The following PCSK2 variants were observed in gnomAD, a reference collection of about 807,000 sequenced individuals.
The protein encoded by PCSK2 is neuroendocrine convertase 2.
A neutral mutation model predicts 69.7 loss-of-function variants in PCSK2; 14 were observed. That is an observed-to-expected ratio of 0.20 (90% CI 0.13 to 0.31). The LOEUF is 0.31. Among genes scored for constraint, PCSK2 ranks in the 10% least tolerant of loss-of-function variants. PCSK2 has a pLI of 1.00. For synonymous variants in PCSK2, 307 were observed against 320.7 expected, an observed-to-expected ratio of 0.96 and a Z score of 0.46; for missense variants, 544 against 842.5, an observed-to-expected ratio of 0.65 and a Z score of 4.39.
At chr20:17,431,783 T>C (rs1318253565) in intron 7 of PCSK2, among the ~76,000 whole-genome samples, 1 of 152,098 alleles carries the variant, frequency 6.6e-6, no homozygotes, top group East Asian at 1.9e-4. Flanking sequence ...AACAGCAGAG[T>C]TTATCTTACA....
intron 8 of PCSK2, among the ~76,000 whole-genome samples, chr20:17,446,279 A>G (rs1474340386): frequency 6.6e-6 from 1 of 152,210 alleles, no homozygotes; most frequent in Non-Finnish European, 1.5e-5. Context: ...AATCGAGGTG[A>G]GGATTTAAAT....
chr20:17,411,898 G>A (rs1600558839), intron 6 of PCSK2, among the ~76,000 whole-genome samples: 1 of 152,342 alleles, frequency 6.6e-6, no homozygotes, highest in African/African-American at 2.4e-5. Context: ...CAGGCAAACA[G>A]GGTCTGGAGT....
intron 5 of PCSK2, among the ~76,000 whole-genome samples, chr20:17,377,222 G>A (rs2030953568): frequency 6.6e-6 from 1 of 152,166 alleles, no homozygotes; most frequent in Non-Finnish European, 1.5e-5. Flanking sequence ...ATGTTCTTTG[G>A]TTCCGTTCAA....
At chr20:17,429,734 C>T (rs1425834152) in intron 7 of PCSK2, among the ~76,000 whole-genome samples, 1 of 152,080 alleles carries the variant, frequency 6.6e-6, no homozygotes, top group Non-Finnish European at 1.5e-5. Context: ...AAAAAGTTAA[C>T]AAATCATAAA....
At chr20:17,430,220 AAAAG>A (rs1410703132) in intron 7 of PCSK2, among the ~76,000 whole-genome samples, 6 of 152,162 alleles carry the variant, frequency 3.9e-5, no homozygotes, top group African/African-American at 1.4e-4. Flanking sequence ...CTCAGAAAAA[AAAAG>A]AGAGAGAGAC....
At chr20:17,425,276 C>CA (rs745728282) in intron 6 of PCSK2, among the ~76,000 whole-genome samples, 5 of 152,220 alleles carry the variant, frequency 3.3e-5, no homozygotes, top group Admixed American at 6.5e-5. Context: ...CAGGCCCATT[C>CA]ACCATTAAAA....
upstream of PCSK2, among the ~76,000 whole-genome samples, chr20:17,226,811 T>C (rs1174898575): frequency 5.5e-5 from 7 of 127,732 alleles, no homozygotes; most frequent in African/African-American, 2.0e-4. Flanking sequence ...TGCGCTGCGC[T>C]GCGCTGCGCT....
chr20:17,277,877 A>G (rs200653596), intron 2 of PCSK2, among the ~76,000 whole-genome samples: 1 of 152,010 alleles, frequency 6.6e-6, no homozygotes, highest in South Asian at 2.1e-4. Context: ...TTACAAGAAA[A>G]AAACAAACAA....
chr20:17,230,989 G>T (rs907780608), intron 1 of PCSK2, among the ~76,000 whole-genome samples: 2 of 152,110 alleles, frequency 1.3e-5, no homozygotes, highest in African/African-American at 2.4e-5. Context: ...AATGACAAAA[G>T]CATTATTCCA....
chr20:17,405,371 C>T (rs922992082), intron 5 of PCSK2, among the ~76,000 whole-genome samples: 1 of 152,186 alleles, frequency 6.6e-6, no homozygotes, highest in Non-Finnish European at 1.5e-5. Flanking sequence ...GTATGGATGG[C>T]AGTGCCAGGG....
chr20:17,340,943 C>T (rs906072610), intron 2 of PCSK2, among the ~76,000 whole-genome samples: 2 of 152,162 alleles, frequency 1.3e-5, no homozygotes, highest in Non-Finnish European at 2.9e-5. Context: ...TAGTTCTTTG[C>T]CAAATTCCCA....
At chr20:17,304,096 G>A (rs1481832962) in intron 2 of PCSK2, among the ~76,000 whole-genome samples, 2 of 151,732 alleles carry the variant, frequency 1.3e-5, no homozygotes, top group African/African-American at 4.8e-5. Flanking sequence ...TAAGCCTCAG[G>A]TTTTTCATCT....
chr20:17,374,823 G>A (rs1273696720), intron 5 of PCSK2, among the ~76,000 whole-genome samples: 1 of 152,126 alleles, frequency 6.6e-6, no homozygotes, highest in Non-Finnish European at 1.5e-5. Flanking sequence ...GGAGATAGAA[G>A]GATTCATTCT....
chr20:17,427,308 A>G (rs1412590136), intron 6 of PCSK2, among the ~76,000 whole-genome samples: 1 of 152,206 alleles, frequency 6.6e-6, no homozygotes, highest in Non-Finnish European at 1.5e-5. Context: ...TGGAAAAACT[A>G]AGTGAGATGA....
chr20:17,347,893 A>AGG (rs1449796391), intron 2 of PCSK2, among the ~76,000 whole-genome samples: 13 of 10,990 alleles, frequency 1.2e-3, no homozygotes, highest in Non-Finnish European at 2.7e-3. Context: ...AGAAAGAAAG[A>AGG]AAGAAAGAAA....
At chr20:17,464,925 C>A in intron 10 of PCSK2, 3 of 270,062 alleles carry the variant, frequency 1.1e-5, no homozygotes, top group East Asian at 8.6e-5. Flanking sequence ...CAGGCCATAG[C>A]TTAAGCTTAA....
At chr20:17,419,802 A>G (rs544070991) in intron 6 of PCSK2, among the ~76,000 whole-genome samples, 3 of 152,138 alleles carry the variant, frequency 2.0e-5, no homozygotes, top group Non-Finnish European at 2.9e-5. Flanking sequence ...TGTCCATAAA[A>G]ATCTCTCTTG....
upstream of PCSK2, among the ~76,000 whole-genome samples, chr20:17,226,717 G>A (rs961115217): frequency 6.6e-6 from 1 of 151,778 alleles, no homozygotes; most frequent in Non-Finnish European, 1.5e-5. Context: ...GATTACAGCT[G>A]GGGGGATTTT....
intron 2 of PCSK2, among the ~76,000 whole-genome samples, chr20:17,277,109 G>A (rs1207844801): frequency 3.3e-5 from 5 of 152,064 alleles, no homozygotes; most frequent in Non-Finnish European, 1.5e-5. Context: ...CTCATGGGTA[G>A]GAAGAATCAA....
Sources: gnomAD v4.1 joint callset for allele counts (sites outside exome capture counted in the v4.1 genomes callset) on GRCh38, gnomAD v4.1.1 for gene constraint, MANE v1.5 for transcripts, NCBI Gene and HGNC (gene_info 2026-07-23, HGNC 2026-07-21) for gene names.